The following SIGLEC10 variants were observed in gnomAD, a reference collection of about 807,000 sequenced individuals.
SIGLEC10 encodes the protein sialic acid binding Ig like lectin 10.
SIGLEC10 carries 45 observed loss-of-function variants against 68.3 expected under a neutral mutation model. The ratio of observed to expected loss-of-function variants is 0.66; its 90% CI spans 0.52 to 0.84. The LOEUF is 0.84. Among genes scored for constraint, SIGLEC10 ranks in the 40% least tolerant of loss-of-function variants. SIGLEC10 has a pLI of 0.00. For synonymous variants in SIGLEC10, 379 were observed against 370.8 expected, an observed-to-expected ratio of 1.02 and a Z score of -0.26; for missense variants, 789 against 883.1, an observed-to-expected ratio of 0.89 and a Z score of 1.35.
Position 51,411,142 on chromosome 19 carries a change from G to A in SIGLEC10, c.2051C>T (p.Pro684Leu). The part of the protein sequence containing the change: ...GVRPRPEARM[P>L]KGTQADYAEV... Reference sequence around the variant, plus strand: ...TGCATAATCCGCCTGGGTGCCCTTGGGCATCCGGGCCTCAGGCCTGGGTCT... The same window carrying A: ...TGCATAATCCGCCTGGGTGCCCTTGAGCATCCGGGCCTCAGGCCTGGGTCT... The change falls in exon 11 of 11, where the codon CCC becomes CTC. Residue 684 changes from proline to leucine, a missense_variant. Pro to Leu is a moderately conservative substitution (Grantham distance 98). Transcript: ENST00000339313. 6.2e-7 allele frequency: 1 copy of A among 1,614,166 alleles called. No homozygotes were observed. The highest frequency in any genetic ancestry group is 8.5e-7 in the Non-Finnish European group (1 of 1,180,018).
At chr19:51,412,727 C>G (rs59871471) in intron 10 of SIGLEC10, among the ~76,000 whole-genome samples, 10,677 of 151,790 alleles carry the variant, frequency 0.07, 675 homozygotes, top group African/African-American at 0.16. Flanking sequence ...CCACCCACCT[C>G]GGCCTCCCAA....
rs370186943 is a variant in SIGLEC10 at position 51,411,190 on chromosome 19, G to C, written c.2003C>G (p.Ala668Gly). ...SQESQEELHY[A>G]TLNFPGVRPR... Reference sequence around the variant, plus strand: ...TCTGACGCCTGGGAAGTTGAGCGTGGCATAATGGAGCTCCTCTTGGCTCTC... The same window carrying C: ...TCTGACGCCTGGGAAGTTGAGCGTGCCATAATGGAGCTCCTCTTGGCTCTC... The change falls in exon 11 of 11, where the codon GCC (alanine) becomes GGC (glycine). Residue 668 changes from alanine to glycine, a missense_variant. Transcript: ENST00000339313. The C allele has an allele frequency of 2.5e-6, 4 of 1,614,100 alleles. No individual in the cohort carries two copies. Among genetic ancestry groups the C allele is most frequent in the African/African-American group, 1.3e-5 (1 of 74,936 alleles).
At chr19:51,412,929 G>A (rs138407134) in intron 10 of SIGLEC10, among the ~76,000 whole-genome samples, 25 of 152,094 alleles carry the variant, frequency 1.6e-4, no homozygotes, top group African/African-American at 4.6e-4. Context: ...CACCACACCC[G>A]GCTAATTTTT....
rs1254293975 is a variant in SIGLEC10, at chr19:51,417,621, GTTCT to G, written c.-44_-41del. ...CGCAGGGCCTGCCTGAGACAGGCCT[GTTCT>G]CTGGTCGTGCTGTGAGTGGCTCAGG... is the stretch of plus-strand genomic sequence containing the variant. On this transcript the variant is annotated 5_prime_UTR_variant, in exon 1 of 11. Coordinates refer to ENST00000339313, the MANE Select transcript of SIGLEC10 (RefSeq NM_033130.5). 1.2e-6 allele frequency: 2 copies of G among 1,613,008 alleles called. No individual in the cohort carries two copies. Among genetic ancestry groups the G allele is most frequent in the African/African-American group, 2.7e-5 (2 of 74,930 alleles).
chr19:51,414,616 T>C lies in SIGLEC10; in HGVS notation c.1616-101A>G, dbSNP rs1246428261. On this transcript the variant is annotated intron_variant, in intron 8 of 10. Transcript: ENST00000339313. This position sits in a 1 kb window ranked among gnomAD's most constrained non-coding sequence, Gnocchi z 4.1. The stretch of plus-strand genomic sequence containing the variant: ...AGGCTTCCGGTTCCCATGGCGGACA[T>C]TGTATCTGCAACCCCTCTGTTTACT... 4 of 1,377,402 alleles carry C rather than the reference T, an allele frequency of 2.9e-6. No individual in the cohort carries two copies. Among genetic ancestry groups the C allele is most frequent in the Non-Finnish European group, 4.1e-6 (4 of 977,746 alleles). The allele number at this position is 1,377,402 out of a possible 1,614,324, so 85.3% of individuals were successfully genotyped here.
In SIGLEC10 at chr19:51,416,691, C is replaced by T; in HGVS notation, c.681G>A (p.Gln227=). The change falls in exon 3 of 11, where the codon CAG becomes CAA. Residue 227 remains glutamine (Q), a synonymous_variant. Coordinates refer to ENST00000339313, the MANE Select transcript of SIGLEC10 (RefSeq NM_033130.5). ...VDFSRKGVSA[Q]RTVRLRVAYA... ...AGGCCACACGGAGTCGGACGGTCCT[C>T]TGTGCGCTCACACCCTTTCTGGAGA... 6.2e-7 allele frequency: 1 copy of T among 1,614,054 alleles called. No individual in the cohort carries two copies. Among genetic ancestry groups the T allele is most frequent in the South Asian group, 1.1e-5 (1 of 91,082 alleles).
rs575713047 is a variant in SIGLEC10 at position 51,414,903 on chromosome 19, C to A, written c.1536G>T (p.Gly512=). 12 of 1,614,024 alleles carry A rather than the reference C, an allele frequency of 7.4e-6. No homozygotes were observed. The South Asian group carries it at 7.7e-5, about 10-fold the overall frequency. The change falls in exon 8 of 11, where the codon GGG becomes GGT. Residue 512 remains glycine, a synonymous_variant. Transcript: ENST00000339313. The surrounding 1 kb of genome is among the most constrained non-coding windows in gnomAD (Gnocchi z 4.1). ...WANSSLSLHG[G]LSSGLRLRCE... ...AGCGGAGCCTGAGGCCGGAGCTGAG[C>A]CCTCCATGGAGGCTCAGGGAGCTGT...
Position 51,411,380 on chromosome 19 carries a change from A to G in SIGLEC10, c.1822-9T>C. ...TGATTCCGCTTCTGAGCCTGAGGGA[A>G]GAACCACCATCCTTCATTCATTCAT... is the stretch of plus-strand genomic sequence containing the variant. On this transcript the variant is annotated splice_polypyrimidine_tract_variant and intron_variant, in intron 10 of 10. Transcript: ENST00000339313. 1 of 1,613,102 alleles carries G rather than the reference A, an allele frequency of 6.2e-7. No homozygotes were observed. The highest frequency in any genetic ancestry group is 1.1e-5 in the South Asian group (1 of 91,076).
intron 3 of SIGLEC10, 98 bp downstream of exon 3, chr19:51,416,568 G>T (rs752673152): frequency 2.0e-5 from 32 of 1,582,622 alleles, no homozygotes; most frequent in Non-Finnish European, 2.6e-5. Context: ...CTCCCTGGAT[G>T]CTCCTGAGCT....
intron 3 of SIGLEC10, 75 bp downstream of exon 3, chr19:51,416,591 C>T (rs565321156): frequency 1.2e-6 from 2 of 1,602,488 alleles, no homozygotes; most frequent in East Asian, 2.2e-5. Flanking sequence ...GAGCCGCTCA[C>T]TGTCCCACTG....
chr19:51,413,057 A>T (rs756532692), intron 10 of SIGLEC10, among the ~76,000 whole-genome samples: 6 of 152,192 alleles, frequency 3.9e-5, no homozygotes, highest in Non-Finnish European at 7.3e-5. Context: ...GAGATGTTGC[A>T]TAGACAGTCT....
At chr19:51,412,693 C>T (rs949942222) in intron 10 of SIGLEC10, among the ~76,000 whole-genome samples, 2 of 151,918 alleles carry the variant, frequency 1.3e-5, no homozygotes, top group African/African-American at 4.8e-5. Flanking sequence ...ACACGCTGCT[C>T]TTAAAATTTT....
At chr19:51,415,133 AG>A in intron 7 of SIGLEC10, 25 bp from the exon 8 acceptor site, 1 of 1,577,248 alleles carries the variant, frequency 6.3e-7, no homozygotes. Context: ...GACAGGACTC[AG>A]CAGGGTCCCC....
rs1366519202 is a variant in SIGLEC10, at chr19:51,417,245, G to T, written c.258C>A (p.Thr86=). ...CCCCAGTGAGCTGGAATCGGCCCCG[G>T]GTGCTCATTTCCACCTCTCGACTCT... ...NHQSREVEMS[T]RGRFQLTGDP... The change falls in exon 2 of 11, where the codon ACC becomes ACA. Residue 86 remains threonine, a synonymous_variant. Transcript: ENST00000339313. 1 of 1,614,208 alleles carries T rather than the reference G, an allele frequency of 6.2e-7. No homozygotes were observed. The highest frequency in any genetic ancestry group is 8.5e-7 in the Non-Finnish European group (1 of 1,180,032).
chr19:51,414,184 T>G lies in SIGLEC10; in HGVS notation c.1709+238A>C. 1 of 577,166 alleles carries G rather than the reference T, an allele frequency of 1.7e-6. No homozygotes were observed. Among genetic ancestry groups the G allele is most frequent in the Non-Finnish European group, 3.1e-6 (1 of 323,196 alleles). The allele number at this position is 577,166 out of a possible 1,614,324, so 35.8% of individuals were successfully genotyped here. A position where few individuals can be genotyped will look rare whatever the true frequency, so the allele number is the denominator to read the frequency against. The stretch of plus-strand genomic sequence containing the variant: ...TATTATTACTAACAAGCTTCAGCTG[T>G]GCCTAATTACAAGAAACACTTCGCT... On this transcript the variant is annotated intron_variant, in intron 9 of 10. Coordinates refer to ENST00000339313, the MANE Select transcript of SIGLEC10 (RefSeq NM_033130.5). This position sits in a 1 kb window ranked among gnomAD's most constrained non-coding sequence, Gnocchi z 4.1.
At position 51,414,565 on chromosome 19, in the gene SIGLEC10, C is replaced by G. The variant is rs139455386; in HGVS notation, c.1616-50G>C. On this transcript the variant is annotated intron_variant, in intron 8 of 10. Transcript: ENST00000339313. This position sits in a 1 kb window ranked among gnomAD's most constrained non-coding sequence, Gnocchi z 4.1. The stretch of plus-strand genomic sequence containing the variant: ...GCATTTCCCATCCACGCAGGGCTCA[C>G]GAAGCCCGCTCATCACTCGGCATTA... The G allele has an allele frequency of 8.0e-3, 12,467 of 1,561,282 alleles. 84 individuals are homozygous for G. The highest frequency in any genetic ancestry group is 0.026 in the African/African-American group (1,932 of 73,876).
rs957491806 is a variant in SIGLEC10, at chr19:51,417,311, C to G, written c.192G>C (p.Val64=). The G allele has an allele frequency of 1.9e-6, 3 of 1,614,112 alleles. No individual in the cohort carries two copies. The highest frequency in any genetic ancestry group is 2.5e-6 in the Non-Finnish European group (3 of 1,180,050). The change falls in exon 2 of 11, where the codon GTG becomes GTC. Residue 64 remains valine, a synonymous_variant. Transcript: ENST00000339313. ...TPAYGYWFKA[V]TETTKGAPVA... The stretch of plus-strand genomic sequence containing the variant: ...CAGGAGCACCCTTGGTTGTCTCAGT[C>G]ACTGCTTTGAACCAGTAGCCATAAG...
In SIGLEC10 at chr19:51,415,565, T is replaced by C. The variant is rs1304144288; in HGVS notation, c.1072+3A>G. 5.0e-6 allele frequency: 8 copies of C among 1,613,890 alleles called. 1 individual carries two copies. Among genetic ancestry groups the C allele is most frequent in the Admixed American group, 3.3e-5 (2 of 59,994 alleles). On this transcript the variant is annotated splice_donor_region_variant and intron_variant, in intron 6 of 10. Transcript: ENST00000339313. ...GCCTTGGCTCCTCTGTCCCCTTTCC[T>C]ACCTGTCCTGTTTGCTTGGGAAACC...
At chr19:51,416,192 AGAG>A (rs776265976) in intron 4 of SIGLEC10, 25 bp from the exon 5 acceptor site, 3 of 1,594,824 alleles carry the variant, frequency 1.9e-6, no homozygotes, top group African/African-American at 2.9e-5. Flanking sequence ...AAAAAAAAAA[AGAG>A]AGAAAGGGAG....
Sources: gnomAD v4.1 joint callset for allele counts (sites outside exome capture counted in the v4.1 genomes callset) on GRCh38, gnomAD v4.1.1 for gene constraint, Gnocchi (gnomAD v3.1) non-coding constraint, MANE v1.5 for transcripts, NCBI Gene and HGNC (gene_info 2026-07-23, HGNC 2026-07-21) for gene names.